Variants in PRDM1 observed in about 807,000 individuals in gnomAD.
PRDM1 encodes the protein PR/SET domain 1.
A neutral mutation model predicts 62.8 loss-of-function variants in PRDM1; 13 were observed. That is an observed-to-expected ratio of 0.21 (90% CI 0.13 to 0.33). PRDM1 has a LOEUF of 0.33. Among genes scored for constraint, PRDM1 ranks in the 10% least tolerant of loss-of-function variants. PRDM1 has a pLI of 1.00. For synonymous variants in PRDM1, 396 were observed against 417.6 expected, an observed-to-expected ratio of 0.95 and a Z score of 0.63; for missense variants, 895 against 1,058.8, an observed-to-expected ratio of 0.85 and a Z score of 2.15.
chr6:106,033,997 A>G (rs1562149241), intron 1 of PRDM1, among the ~76,000 whole-genome samples: 1 of 152,120 alleles, frequency 6.6e-6, no homozygotes, highest in Non-Finnish European at 1.5e-5. Context: ...TTGCGTTTCT[A>G]GGAATTTGTC....
chr6:106,063,344 T>G (rs1773376209), intron 1 of PRDM1, among the ~76,000 whole-genome samples: 2 of 152,154 alleles, frequency 1.3e-5, no homozygotes, highest in Non-Finnish European at 1.5e-5. Context: ...CTTAATTGTA[T>G]CCTGCCTATA....
At chr6:106,085,505 T>C (rs1314056714), upstream of PRDM1, among the ~76,000 whole-genome samples, 2 of 152,152 alleles carry the variant, frequency 1.3e-5, no homozygotes, top group Non-Finnish European at 2.9e-5. Context: ...AACAGGACAT[T>C]GTATGCCATC....
At chr6:106,025,664 C>A (rs1183677569) in intron 1 of PRDM1, among the ~76,000 whole-genome samples, 1 of 151,954 alleles carries the variant, frequency 6.6e-6, no homozygotes, top group Non-Finnish European at 1.5e-5. Context: ...TCATTTCTCA[C>A]CTGAGGAAAG....
intron 1 of PRDM1, among the ~76,000 whole-genome samples, chr6:106,050,718 A>C (rs1464363276): frequency 6.6e-6 from 1 of 152,152 alleles, no homozygotes; most frequent in African/African-American, 2.4e-5. Context: ...TACACCTTCA[A>C]ACACGTATTT....
At chr6:106,102,869 C>G (rs773863450) in intron 4 of PRDM1, among the ~76,000 whole-genome samples, 110 of 152,126 alleles carry the variant, frequency 7.2e-4, no homozygotes, top group Non-Finnish European at 5.1e-4. Flanking sequence ...TGAATTTGAC[C>G]CTATATAGAT....
In PRDM1 at chr6:106,105,051, C is replaced by T. The variant is rs1774413810; in HGVS notation, c.891C>T (p.Val297=). The T allele has an allele frequency of 6.2e-7, 1 of 1,614,114 alleles. No homozygotes were observed. The highest frequency in any genetic ancestry group is 8.5e-7 in the Non-Finnish European group (1 of 1,180,002). ...CCGAAATGCCCTTCTACCCTCGGGT[C>T]GTTTACCCCATCCGGGCCCCTCTGC... ...GSPEMPFYPR[V]VYPIRAPLPE... The change falls in exon 5 of 7, where the codon GTC becomes GTT. Residue 297 remains valine, a synonymous_variant. Transcript: ENST00000369096.
chr6:106,031,099 A>C (rs554934857), intron 1 of PRDM1, among the ~76,000 whole-genome samples: 88 of 152,102 alleles, frequency 5.8e-4, no homozygotes, highest in African/African-American at 1.9e-3. Flanking sequence ...GCACAGCCCA[A>C]GTGGTGCCAA....
rs150135954 is a variant in PRDM1, at chr6:106,003,692, T to C, written c.-67+10053T>C. Reference sequence around the variant, plus strand: ...ACCACTTAGGAAGAAGGCCTCCTAGTAATGCATGTGCTTTTTATTCCTGTC... The same window carrying C: ...ACCACTTAGGAAGAAGGCCTCCTAGCAATGCATGTGCTTTTTATTCCTGTC... On this transcript the variant is annotated intron_variant, in intron 1 of 6. Transcript: ENST00000652320. Among the ~76,000 whole-genome samples, 8 of 152,326 alleles carry C rather than the reference T, an allele frequency of 5.3e-5. No homozygotes were observed. In the East Asian group the frequency reaches 1.3e-3, roughly 26 times the overall value.
In PRDM1 at chr6:106,095,638, A is replaced by G. The variant is rs763908201; in HGVS notation, c.315A>G (p.Glu105=). 12 of 1,614,132 alleles carry G rather than the reference A, an allele frequency of 7.4e-6. No individual in the cohort carries two copies. The South Asian group carries it at 1.3e-4, about 18-fold the overall frequency. The change falls in exon 3 of 7, where the codon GAA becomes GAG. Residue 105 remains glutamate (E), a synonymous_variant. Coordinates refer to ENST00000369096, the MANE Select transcript of PRDM1 (RefSeq NM_001198.4). ...SEEVIGVMSK[E]YIPKGTRFGP... ...AGGTTATTGGAGTGATGAGTAAAGA[A>G]TACATACCAAAGGGCACACGTTTTG...
At chr6:106,071,971 T>C (rs1773527549) in intron 1 of PRDM1, 1 of 152,206 alleles carries the variant, frequency 6.6e-6, no homozygotes, top group Non-Finnish European at 1.5e-5. Flanking sequence ...ATTAATTGAT[T>C]TGAGATGCAA....
At chr6:106,093,579 T>C (rs1234030445) in intron 2 of PRDM1, among the ~76,000 whole-genome samples, 1 of 152,226 alleles carries the variant, frequency 6.6e-6, no homozygotes, top group Non-Finnish European at 1.5e-5. Flanking sequence ...TTGCATGTCA[T>C]AGAATTCAAT....
chr6:106,087,009 A>G (rs1773828323), intron 1 of PRDM1, among the ~76,000 whole-genome samples: 1 of 151,984 alleles, frequency 6.6e-6, no homozygotes, highest in Non-Finnish European at 1.5e-5. Context: ...AGAGCATCCT[A>G]TTTAGAGAAG....
At chr6:106,101,688 C>G (rs759879116) in intron 4 of PRDM1, among the ~76,000 whole-genome samples, 3 of 152,180 alleles carry the variant, frequency 2.0e-5, no homozygotes, top group African/African-American at 7.2e-5. Flanking sequence ...AAAATTTCCA[C>G]TATTTCATCA....
chr6:106,027,973 A>T (rs1161064473), intron 1 of PRDM1, among the ~76,000 whole-genome samples: 1 of 152,210 alleles, frequency 6.6e-6, no homozygotes, highest in Non-Finnish European at 1.5e-5. Flanking sequence ...TCCTCAGTGC[A>T]AGATCAGCTT....
At chr6:106,070,028 T>C (rs1365021447) in intron 1 of PRDM1, among the ~76,000 whole-genome samples, 1 of 152,256 alleles carries the variant, frequency 6.6e-6, no homozygotes, top group East Asian at 1.9e-4. Context: ...TCTTTTCAGA[T>C]TTCCTCAGTG....
At chr6:106,019,942 A>G (rs1184144145) in intron 1 of PRDM1, among the ~76,000 whole-genome samples, 1 of 150,284 alleles carries the variant, frequency 6.7e-6, no homozygotes, top group Admixed American at 6.6e-5. Flanking sequence ...TTTCAAAAAA[A>G]GGAAGAGCCG....
intron 1 of PRDM1, among the ~76,000 whole-genome samples, chr6:106,028,831 C>T (rs1414612959): frequency 6.6e-6 from 1 of 151,684 alleles, no homozygotes; most frequent in Non-Finnish European, 1.5e-5. Context: ...CAACACTGAT[C>T]TGTCTCCTGT....
chr6:106,105,788 G>A lies in PRDM1; in HGVS notation c.1628G>A (p.Ser543Asn), dbSNP rs763803603. ...ATSAAMAAPS[S>N]DEAMNLIKNK... ...TCAGCAGCGATGGCAGCCCCCAGCA[G>A]CGACGAAGCCATGAATCTCATTAAA... Residue 543 changes from serine (S) to asparagine (N), a missense_variant, in exon 5 of 7, where the codon AGC (serine) becomes AAC (asparagine). Physicochemically the swap from Ser to Asn is conservative, Grantham distance 46. Coordinates refer to ENST00000369096, the MANE Select transcript of PRDM1 (RefSeq NM_001198.4). The A allele has an allele frequency of 6.2e-7, 1 of 1,614,228 alleles. No homozygotes were observed. The highest frequency in any genetic ancestry group is 8.5e-7 in the Non-Finnish European group (1 of 1,180,040).
chr6:105,998,171 A>T (rs1772372236), intron 1 of PRDM1, among the ~76,000 whole-genome samples: 1 of 152,134 alleles, frequency 6.6e-6, no homozygotes, highest in South Asian at 2.1e-4. Context: ...AGCATTTCAC[A>T]TTTGAAATAT....
Sources: gnomAD v4.1 joint callset for allele counts (sites outside exome capture counted in the v4.1 genomes callset) on GRCh38, gnomAD v4.1.1 for gene constraint, MANE v1.5 for transcripts, NCBI Gene and HGNC (gene_info 2026-07-23, HGNC 2026-07-21) for gene names.